The following UNC5A variants were observed in gnomAD, a reference collection of about 807,000 sequenced individuals.
UNC5A encodes unc-5 netrin receptor A, also known as netrin receptor UNC5A.
Under a neutral mutation model 87.4 loss-of-function variants are expected in UNC5A, and 20 were observed. That is an observed-to-expected ratio of 0.23 (90% CI 0.16 to 0.33). The LOEUF is 0.33. UNC5A is among the 10% of genes least tolerant of loss of function. The pLI, the probability that UNC5A is intolerant of heterozygous loss-of-function variation, is 1.00. For missense variants in UNC5A, 844 were observed against 1,133.4 expected (o/e 0.74, Z 3.67); for synonymous variants, 438 against 482.3 (o/e 0.91, Z 1.20).
intron 1 of UNC5A, among the ~76,000 whole-genome samples, chr5:176,833,356 A>C (rs1757070615): frequency 6.6e-6 from 1 of 152,066 alleles, no homozygotes; most frequent in South Asian, 2.1e-4. Flanking sequence ...CTGTGTGTCC[A>C]TGTGTACTCA....
At chr5:176,832,574 A>C (rs1757055751) in intron 1 of UNC5A, among the ~76,000 whole-genome samples, 2 of 152,202 alleles carry the variant, frequency 1.3e-5, no homozygotes, top group African/African-American at 2.4e-5. Flanking sequence ...TGGTGAGAAC[A>C]CAGGACCCCT....
At chr5:176,840,682 C>T (rs990249309) in intron 1 of UNC5A, among the ~76,000 whole-genome samples, 1 of 152,184 alleles carries the variant, frequency 6.6e-6, no homozygotes, top group African/African-American at 2.4e-5. Flanking sequence ...GGGCCTCTCC[C>T]CCCCTGGCCC....
At chr5:176,834,476 G>A (rs915635591) in intron 1 of UNC5A, among the ~76,000 whole-genome samples, 8 of 152,184 alleles carry the variant, frequency 5.3e-5, no homozygotes, top group Non-Finnish European at 7.3e-5. Context: ...TCTCCTGTGA[G>A]GACCCTAAGG....
chr5:176,852,073 C>T (rs947105604), intron 1 of UNC5A, among the ~76,000 whole-genome samples: 6 of 152,228 alleles, frequency 3.9e-5, no homozygotes, highest in Non-Finnish European at 8.8e-5. Flanking sequence ...GCTACCCTCT[C>T]TTGGCCTCTC....
At chr5:176,853,841 G>A (rs564332064) in intron 1 of UNC5A, among the ~76,000 whole-genome samples, 126 of 152,298 alleles carry the variant, frequency 8.3e-4, no homozygotes, top group Non-Finnish European at 1.4e-3. Context: ...CTGCTAGGGC[G>A]ACAGAGGATG....
At chr5:176,862,524 C>T in intron 1 of UNC5A, 100 bp from the exon 2 acceptor site, 1 of 1,114,634 alleles carries the variant, frequency 9.0e-7, no homozygotes. Flanking sequence ...TCACTCTCCT[C>T]CCATCTGCCC....
rs1318535688 is a variant in UNC5A at position 176,858,777 on chromosome 5, A to AGGC, written c.71-3847_71-3846insGGC. Among the ~76,000 whole-genome samples, 458 of 142,930 alleles carry AGGC rather than the reference A, an allele frequency of 3.2e-3. 2 individuals carry two copies. Among genetic ancestry groups the AGGC allele is most frequent in the African/African-American group, 0.011 (408 of 37,368 alleles). 93.8% of individuals were successfully genotyped at this position (142,930 alleles called of 152,430 possible). On this transcript the variant is annotated intron_variant, in intron 1 of 14. Coordinates refer to ENST00000329542, the MANE Select transcript of UNC5A (RefSeq NM_133369.3). ...AAGGAAGGAAGGAAGGAAGGAAGGC[A>AGGC]AGCAAGCAGGCAGGGAGGGAGGGAG... is the stretch of plus-strand genomic sequence containing the variant.
chr5:176,831,885 C>CTCTTTTTTTTTTTTT (rs1561644956), intron 1 of UNC5A, among the ~76,000 whole-genome samples: 1 of 27,662 alleles, frequency 3.6e-5, no homozygotes, highest in African/African-American at 6.1e-5. Flanking sequence ...TTCTCTCTCT[C>CTCTTTTTTTTTTTTT]TTTTTTTTTT....
chr5:176,856,965 G>C (rs2113643467), intron 1 of UNC5A, among the ~76,000 whole-genome samples: 1 of 152,300 alleles, frequency 6.6e-6, no homozygotes, highest in South Asian at 2.1e-4. Flanking sequence ...TGGCCTCCCT[G>C]CTGTCCTCAA....
intron 1 of UNC5A, among the ~76,000 whole-genome samples, chr5:176,836,138 A>G (rs955359145): frequency 2.0e-5 from 3 of 152,230 alleles, no homozygotes; most frequent in Non-Finnish European, 4.4e-5. Flanking sequence ...AATGGCCAGC[A>G]GGCTTTAGTC....
At chr5:176,837,223 A>C (rs1326794621) in intron 1 of UNC5A, among the ~76,000 whole-genome samples, 1 of 151,928 alleles carries the variant, frequency 6.6e-6, no homozygotes, top group South Asian at 2.1e-4. Flanking sequence ...TTCTGTCTCC[A>C]GCTTGCCCCT....
intron 4 of UNC5A, 22 bp downstream of exon 4, chr5:176,868,686 A>G: frequency 6.3e-7 from 1 of 1,597,180 alleles, no homozygotes; most frequent in South Asian, 1.1e-5. Context: ...TCTAGTGCCC[A>G]CGTCTGGACC....
At chr5:176,868,061 C>G in intron 2 of UNC5A, 69 bp from the exon 3 acceptor site, 1 of 1,494,744 alleles carries the variant, frequency 6.7e-7, no homozygotes. Context: ...CTGAGGGTGG[C>G]GCAGGAACCC....
chr5:176,870,317 G>C, intron 5 of UNC5A, 53 bp from the exon 6 acceptor site: 1 of 1,583,242 alleles, frequency 6.3e-7, no homozygotes, highest in Non-Finnish European at 8.6e-7. Context: ...AGACTGCCGG[G>C]GTGGGCTCCC....
chr5:176,830,625 T>C (rs1756982477), intron 1 of UNC5A, among the ~76,000 whole-genome samples: 1 of 141,354 alleles, frequency 7.1e-6, no homozygotes, highest in African/African-American at 2.7e-5. Context: ...CGCTGGCGTG[T>C]GTGTGTGTGC....
At chr5:176,823,189 A>C (rs1193689860) in intron 1 of UNC5A, among the ~76,000 whole-genome samples, 1 of 62,276 alleles carries the variant, frequency 1.6e-5, no homozygotes. Context: ...GGGGCGAGGG[A>C]GGGGGAGGAG....
At chr5:176,825,076 G>A (rs954705883) in intron 1 of UNC5A, among the ~76,000 whole-genome samples, 5 of 152,186 alleles carry the variant, frequency 3.3e-5, no homozygotes, top group African/African-American at 1.2e-4. Context: ...TTGAAGTGGT[G>A]GAGGATAGTC....
At chr5:176,862,254 G>A (rs569548119) in intron 1 of UNC5A, among the ~76,000 whole-genome samples, 1 of 152,348 alleles carries the variant, frequency 6.6e-6, no homozygotes, top group East Asian at 1.9e-4. Flanking sequence ...TGCCTGGCCA[G>A]GGACCTTCTC....
At chr5:176,868,517 G>T (rs1364341899) in intron 3 of UNC5A, 44 bp from the exon 4 acceptor site, 1 of 1,555,868 alleles carries the variant, frequency 6.4e-7, no homozygotes, top group Non-Finnish European at 8.7e-7. Flanking sequence ...GGCTGAGCCT[G>T]TGCGAGGCCC....
Sources: allele counts gnomAD v4.1 joint callset (sites outside exome capture counted in the v4.1 genomes callset), GRCh38; gene constraint gnomAD v4.1.1; transcripts MANE v1.5; gene names NCBI Gene and HGNC (gene_info 2026-07-23, HGNC 2026-07-21).